RIMS2: variants seen among roughly 807,000 people sequenced by gnomAD.
RIMS2 encodes regulating synaptic membrane exocytosis 2.
A neutral mutation model predicts 174.4 loss-of-function variants in RIMS2; 59 were observed. The ratio of observed to expected loss-of-function variants is 0.34; its 90% CI spans 0.27 to 0.42. RIMS2 has a LOEUF of 0.42. Among genes scored for constraint, RIMS2 ranks in the 10% least tolerant of loss-of-function variants. The pLI is 1.00. For missense variants in RIMS2, 1,620 were observed against 1,666.3 expected (o/e 0.97, Z 0.48); for synonymous variants, 606 against 572.5 (o/e 1.06, Z -0.84).
exon 17 of RIMS2, chr8:103,989,344 G>C: frequency 6.2e-7 from 1 of 1,613,644 alleles, no homozygotes; most frequent in Non-Finnish European, 8.5e-7. Flanking sequence ...CCCGCACTAT[G>C]ACCGGACATT....
intron 3 of RIMS2, among the ~76,000 whole-genome samples, chr8:103,825,175 C>A (rs934038521): frequency 1.3e-5 from 2 of 152,178 alleles, no homozygotes; most frequent in African/African-American, 2.4e-5. Flanking sequence ...GCTTCCCCAC[C>A]TAGTGTAGAT....
At chr8:103,573,611 A>G (rs1015898144) in intron 1 of RIMS2, among the ~76,000 whole-genome samples, 14 of 152,060 alleles carry the variant, frequency 9.2e-5, no homozygotes, top group African/African-American at 2.4e-4. Context: ...TTTGGTTATT[A>G]TAGCCCTGTA....
intron 13 of RIMS2, among the ~76,000 whole-genome samples, chr8:103,937,116 GATAA>G (rs140284516): frequency 0.13 from 19,247 of 150,168 alleles, 1,697 homozygotes; most frequent in Non-Finnish European, 0.2. Context: ...AATAATTAAA[GATAA>G]ATAAATAAAT....
chr8:104,161,802 T>G (rs984232221), intron 19 of RIMS2, among the ~76,000 whole-genome samples: 1 of 152,226 alleles, frequency 6.6e-6, no homozygotes, highest in African/African-American at 2.4e-5. Context: ...AAGGCAAGAC[T>G]CCATTTCCAA....
At chr8:103,886,153 A>C (rs1477956581) in exon 4 of RIMS2, 2 of 1,612,860 alleles carry the variant, frequency 1.2e-6, no homozygotes, top group South Asian at 1.1e-5. Flanking sequence ...CAGAGGAGGA[A>C]TTGGCTTCCA....
intron 2 of RIMS2, among the ~76,000 whole-genome samples, chr8:103,746,431 T>G (rs1199260781): frequency 6.6e-6 from 1 of 152,152 alleles, no homozygotes; most frequent in Non-Finnish European, 1.5e-5. Flanking sequence ...TTTTAAAGAC[T>G]AGCTGTATTT....
chr8:103,608,108 T>C (rs933495890), intron 1 of RIMS2, among the ~76,000 whole-genome samples: 1 of 149,772 alleles, frequency 6.7e-6, no homozygotes, highest in South Asian at 2.1e-4. Flanking sequence ...TTCTGTTCTG[T>C]TTTTTCCCCA....
intron 1 of RIMS2, among the ~76,000 whole-genome samples, chr8:103,509,692 G>C (rs1300395153): frequency 6.6e-6 from 1 of 151,994 alleles, no homozygotes; most frequent in Non-Finnish European, 1.5e-5. Flanking sequence ...TTGAGGTAGA[G>C]TTATGGAAAG....
intron 3 of RIMS2, among the ~76,000 whole-genome samples, chr8:103,826,228 A>T (rs2098790109): frequency 6.6e-6 from 1 of 152,022 alleles, no homozygotes; most frequent in Admixed American, 6.6e-5. Flanking sequence ...TTTAATTCTG[A>T]TAAAATGTAA....
chr8:104,207,871 G>A (rs2511550), intron 19 of RIMS2, among the ~76,000 whole-genome samples: 86,277 of 149,840 alleles, frequency 0.58, 24,956 homozygotes, highest in East Asian at 0.65. Flanking sequence ...AATAATATTC[G>A]GTAATAGTGG....
intron 15 of RIMS2, among the ~76,000 whole-genome samples, chr8:103,961,486 C>T (rs1471116818): frequency 6.6e-6 from 1 of 152,046 alleles, no homozygotes. Flanking sequence ...TATGTAACCA[C>T]CATATCTAAA....
chr8:103,766,317 C>T lies in RIMS2; in HGVS notation c.478C>T (p.Gln160Ter). ...TTATAATAGTGGATCTAATACACCA[C>T]AGCAACCTGATCAAAAGGTTCTTCG... Residue 160 changes from glutamine to a stop codon, truncating the protein, a stop_gained, in exon 3 of 24, where the codon CAG becomes TAG. Coordinates refer to ENST00000504942, the Ensembl canonical transcript of RIMS2. LOFTEE classifies it high-confidence loss of function. 6.2e-7 allele frequency: 1 copy of T among 1,613,090 alleles called. No homozygotes were observed. The highest frequency in any genetic ancestry group is 1.3e-5 in the African/African-American group (1 of 75,010).
chr8:104,043,154 G>A (rs1044975435), intron 19 of RIMS2, among the ~76,000 whole-genome samples: 5 of 151,474 alleles, frequency 3.3e-5, no homozygotes, highest in Admixed American at 6.6e-5. Flanking sequence ...ATTCAGTCAA[G>A]TTGTAGGTAG....
At chr8:104,190,654 C>A (rs991354019) in intron 19 of RIMS2, among the ~76,000 whole-genome samples, 1 of 151,998 alleles carries the variant, frequency 6.6e-6, no homozygotes, top group African/African-American at 2.4e-5. Context: ...GCTCTGGGTG[C>A]GCAATGACTG....
At position 103,857,829 on chromosome 8, in the gene RIMS2, T is replaced by C. The variant is rs116576220; in HGVS notation, c.699-27469T>C. Among the ~76,000 whole-genome samples, 747 of 152,320 alleles carry C rather than the reference T, an allele frequency of 4.9e-3. 7 individuals are homozygous for C. Among genetic ancestry groups the C allele is most frequent in the African/African-American group, 0.017 (720 of 41,586 alleles). On this transcript the variant is annotated intron_variant, in intron 3 of 23. Transcript: ENST00000504942. ...CCTCTACGCTACATTCTCCTCTCTG[T>C]AGAAGCTGCAAAGCAAAAAGCTCAT...
At chr8:103,786,576 C>T (rs1490915615) in intron 3 of RIMS2, among the ~76,000 whole-genome samples, 22 of 152,192 alleles carry the variant, frequency 1.4e-4, no homozygotes, top group South Asian at 1.2e-3. Context: ...TGTAGTTGAG[C>T]GGTTTTGAAT....
At chr8:103,631,816 TG>T (rs997596697) in intron 1 of RIMS2, among the ~76,000 whole-genome samples, 6 of 152,238 alleles carry the variant, frequency 3.9e-5, no homozygotes, top group Admixed American at 3.9e-4. Context: ...AGCAGTGTTT[TG>T]TAATTCTCCT....
intron 19 of RIMS2, among the ~76,000 whole-genome samples, chr8:104,104,855 G>C (rs901977856): frequency 2.7e-5 from 4 of 150,074 alleles, no homozygotes; most frequent in Non-Finnish European, 5.9e-5. Flanking sequence ...ACTCCAGCCT[G>C]GTTGACAGAG....
intron 1 of RIMS2, among the ~76,000 whole-genome samples, chr8:103,656,997 T>C (rs2096539719): frequency 6.6e-6 from 1 of 152,100 alleles, no homozygotes; most frequent in Non-Finnish European, 1.5e-5. Flanking sequence ...CATTCTGAAA[T>C]AGCCCAGGGA....
Sources: gnomAD v4.1 joint callset for allele counts (sites outside exome capture counted in the v4.1 genomes callset) on GRCh38, gnomAD v4.1.1 for gene constraint, MANE v1.5 for transcripts, NCBI Gene and HGNC (gene_info 2026-07-23, HGNC 2026-07-21) for gene names.